Variants in CDH18 observed in about 807,000 individuals in gnomAD.
CDH18 encodes cadherin-18.
Under a neutral mutation model 67.9 loss-of-function variants are expected in CDH18, and 31 were observed. The observed-to-expected ratio is 0.46, with a 90% CI of 0.34 to 0.62. The LOEUF (loss-of-function observed/expected upper bound fraction) is 0.62, where lower values mean the gene tolerates loss of function less well. Ranked by LOEUF, CDH18 falls within the 20% of genes least tolerant of loss-of-function variation. The probability of loss-of-function intolerance (pLI) is 0.01; values close to 1 mark genes in which losing one functional copy is unlikely to be tolerated. For synonymous variants in CDH18, 362 were observed against 347.2 expected (o/e 1.04, Z -0.48); for missense variants, 890 against 975.5 (o/e 0.91, Z 1.17).
chr5:20,501,916 A>G (rs950900911), intron 1 of CDH18, among the ~76,000 whole-genome samples: 6 of 151,120 alleles, frequency 4.0e-5, no homozygotes, highest in Non-Finnish European at 7.4e-5. Context: ...ACACACACAC[A>G]CATTTTATTA....
At chr5:19,625,487 A>G (rs1751401919) in intron 5 of CDH18, among the ~76,000 whole-genome samples, 1 of 151,992 alleles carries the variant, frequency 6.6e-6, no homozygotes, top group Non-Finnish European at 1.5e-5. Flanking sequence ...GTATTGTTGC[A>G]CTGTTCTGGA....
intron 4 of CDH18, among the ~76,000 whole-genome samples, chr5:19,732,396 A>G (rs1521028): frequency 0.96 from 146,834 of 152,168 alleles, 71,042 homozygotes; most frequent in Middle Eastern, 1. Context: ...AGGCTGCAGC[A>G]GGCTATGATC....
At chr5:20,511,052 C>A (rs1171365587) in intron 1 of CDH18, among the ~76,000 whole-genome samples, 2 of 151,994 alleles carry the variant, frequency 1.3e-5, no homozygotes, top group Non-Finnish European at 2.9e-5. Flanking sequence ...AATCAGAAAT[C>A]TAAGTTCATA....
intron 6 of CDH18, among the ~76,000 whole-genome samples, chr5:19,602,653 G>T (rs1402077805): frequency 6.6e-6 from 1 of 152,134 alleles, no homozygotes; most frequent in African/African-American, 2.4e-5. Flanking sequence ...GTGGAGAACA[G>T]TATGGAGGCC....
At chr5:19,972,248 C>T (rs73762471) in intron 2 of CDH18, among the ~76,000 whole-genome samples, 1 of 151,956 alleles carries the variant, frequency 6.6e-6, no homozygotes, top group Admixed American at 6.6e-5. Flanking sequence ...GTTTCCTTAG[C>T]ATCTTGAAAT....
intron 1 of CDH18, among the ~76,000 whole-genome samples, chr5:20,276,605 G>T (rs1020120987): frequency 1.3e-5 from 2 of 152,190 alleles, no homozygotes; most frequent in African/African-American, 2.4e-5. Context: ...CCTAGCAGTG[G>T]TGGCTACAGG....
At chr5:19,690,752 G>T (rs930931587) in intron 5 of CDH18, among the ~76,000 whole-genome samples, 2 of 149,686 alleles carry the variant, frequency 1.3e-5, no homozygotes, top group Non-Finnish European at 3.0e-5. Context: ...ACCAGAACAG[G>T]CCAAGAACAA....
At chr5:19,949,822 G>T (rs1795615466) in intron 2 of CDH18, among the ~76,000 whole-genome samples, 1 of 151,892 alleles carries the variant, frequency 6.6e-6, no homozygotes, top group African/African-American at 2.4e-5. Flanking sequence ...TTTGATGCAG[G>T]AATCTCACTA....
chr5:19,483,579 T>C (rs1739862332), intron 11 of CDH18, 27 bp from the exon 12 acceptor site: 3 of 1,563,776 alleles, frequency 1.9e-6, no homozygotes, highest in Admixed American at 3.7e-5. Flanking sequence ...CAAAACAAAA[T>C]ACACTTAGTC....
intron 3 of CDH18, among the ~76,000 whole-genome samples, chr5:19,764,224 C>T (rs1561252645): frequency 6.7e-6 from 1 of 149,490 alleles, no homozygotes; most frequent in African/African-American, 2.5e-5. Flanking sequence ...ATTTATATAG[C>T]AATAATCATT....
At chr5:19,708,599 G>C (rs1764265109) in intron 5 of CDH18, among the ~76,000 whole-genome samples, 1 of 152,172 alleles carries the variant, frequency 6.6e-6, no homozygotes, top group Admixed American at 6.6e-5. Flanking sequence ...CCAGAATCAG[G>C]ACAAGGAACA....
At chr5:20,314,758 CA>C (rs1430159038) in intron 1 of CDH18, among the ~76,000 whole-genome samples, 1 of 152,044 alleles carries the variant, frequency 6.6e-6, no homozygotes, top group African/African-American at 2.4e-5. Flanking sequence ...TTTATTAACA[CA>C]TACCCTCTCT....
intron 2 of CDH18, among the ~76,000 whole-genome samples, chr5:19,890,612 T>G (rs5866406): frequency 0.014 from 2,093 of 148,970 alleles, 37 homozygotes; most frequent in African/African-American, 0.044. Context: ...TTTTTTTTTT[T>G]GAGACAAAGT....
chr5:20,275,785 G>A (rs1745765113), intron 1 of CDH18, among the ~76,000 whole-genome samples: 1 of 152,160 alleles, frequency 6.6e-6, no homozygotes, highest in Non-Finnish European at 1.5e-5. Context: ...ACTGAAACAG[G>A]CTCTGAATGG....
chr5:19,730,431 A>G (rs1027869154), intron 4 of CDH18, among the ~76,000 whole-genome samples: 12 of 152,200 alleles, frequency 7.9e-5, no homozygotes, highest in African/African-American at 2.7e-4. Flanking sequence ...TACAAGTTGA[A>G]TATCTCTTAT....
rs1475388600 is a variant in CDH18, at chr5:19,612,519, A to G, written c.726T>C (p.Ala242=). 1.9e-6 allele frequency: 3 copies of G among 1,614,086 alleles called. No homozygotes were observed. The highest frequency in any genetic ancestry group is 3.3e-4 in the Middle Eastern group (2 of 6,062). The part of the protein sequence containing the change: ...YSVVIQAKDM[A]GQVGGLSGST... ...ATCCTGAAAGCCCTCCAACTTGCCC[A>G]GCCATGTCTTTGGCTTGAATGACTA... Residue 242 remains alanine (A), a synonymous_variant, in exon 6 of 13, where the codon GCT becomes GCC. Coordinates refer to ENST00000382275, the MANE Select transcript of CDH18 (RefSeq NM_004934.5).
intron 2 of CDH18, among the ~76,000 whole-genome samples, chr5:19,892,544 G>A (rs1160924177): frequency 6.6e-6 from 1 of 152,040 alleles, no homozygotes; most frequent in Non-Finnish European, 1.5e-5. Flanking sequence ...TTTCCTCCTG[G>A]TATTTATGTA....
chr5:19,850,315 T>G (rs538746758), intron 2 of CDH18, among the ~76,000 whole-genome samples: 6 of 152,020 alleles, frequency 3.9e-5, no homozygotes, highest in African/African-American at 1.2e-4. Context: ...GGCACGAAAT[T>G]TAATACCTTT....
chr5:19,619,218 T>C (rs1435599570), intron 5 of CDH18, among the ~76,000 whole-genome samples: 14 of 152,214 alleles, frequency 9.2e-5, no homozygotes, highest in Admixed American at 9.2e-4. Flanking sequence ...CGAAGTGTGC[T>C]GAATGTGTTT....
Sources: allele counts gnomAD v4.1 joint callset (sites outside exome capture counted in the v4.1 genomes callset), GRCh38; gene constraint gnomAD v4.1.1; transcripts MANE v1.5; gene names NCBI Gene and HGNC (gene_info 2026-07-23, HGNC 2026-07-21).